Variants in CLDN10 observed in about 807,000 individuals in gnomAD.
CLDN10 encodes claudin-10.
In CLDN10, 15 loss-of-function variants were observed where a neutral mutation model predicts 22.9. The observed-to-expected ratio is 0.65, with a 90% CI of 0.44 to 1.01. The LOEUF (loss-of-function observed/expected upper bound fraction) is 1.01, where lower values mean the gene tolerates loss of function less well. Among genes scored for constraint, CLDN10 ranks in the 50% least tolerant of loss-of-function variants. The pLI, the probability that CLDN10 is intolerant of heterozygous loss-of-function variation, is 0.00. For synonymous variants in CLDN10, 114 were observed against 111.4 expected (o/e 1.02, Z -0.15); for missense variants, 247 against 287.8 (o/e 0.86, Z 1.03).
chr13:95,466,248 A>C (rs2042580587), intron 1 of CLDN10, among the ~76,000 whole-genome samples: 1 of 151,986 alleles, frequency 6.6e-6, no homozygotes, highest in Non-Finnish European at 1.5e-5. Context: ...TGTGGATATT[A>C]GTCTGTAGTT....
chr13:95,499,491 G>A (rs565281355), intron 1 of CLDN10, among the ~76,000 whole-genome samples: 5 of 152,260 alleles, frequency 3.3e-5, no homozygotes, highest in African/African-American at 7.2e-5. Context: ...GCAGTGAGCC[G>A]AGATCACGCC....
chr13:95,451,736 C>T (rs967801480), intron 1 of CLDN10, among the ~76,000 whole-genome samples: 3 of 152,166 alleles, frequency 2.0e-5, no homozygotes, highest in African/African-American at 7.2e-5. Context: ...GGAAGAGCAC[C>T]CTGCATAAAA....
chr13:95,504,682 T>C (rs1421941648), intron 1 of CLDN10, among the ~76,000 whole-genome samples: 1 of 152,132 alleles, frequency 6.6e-6, no homozygotes, highest in Non-Finnish European at 1.5e-5. Context: ...GCCTGGCAAT[T>C]TTAAAATATT....
At chr13:95,454,198 G>A (rs1454048519) in intron 1 of CLDN10, among the ~76,000 whole-genome samples, 2 of 152,154 alleles carry the variant, frequency 1.3e-5, no homozygotes, top group Non-Finnish European at 2.9e-5. Flanking sequence ...CCAGCACTTT[G>A]GGAGGCTGAG....
chr13:95,546,317 ACCT>A (rs917051048), intron 1 of CLDN10, among the ~76,000 whole-genome samples: 3 of 150,822 alleles, frequency 2.0e-5, no homozygotes, highest in African/African-American at 7.3e-5. Context: ...TTGAAACCTC[ACCT>A]CCACCACCTT....
At chr13:95,468,206 G>C (rs2042597778) in intron 1 of CLDN10, among the ~76,000 whole-genome samples, 1 of 147,302 alleles carries the variant, frequency 6.8e-6, no homozygotes, top group African/African-American at 2.5e-5. Flanking sequence ...ATTAGATTCT[G>C]GATTCTTCCT....
chr13:95,499,813 T>C (rs1001881224), intron 1 of CLDN10, among the ~76,000 whole-genome samples: 50 of 152,252 alleles, frequency 3.3e-4, no homozygotes, highest in African/African-American at 1.1e-3. Flanking sequence ...TAGAAAAAAG[T>C]TCCTTTATAC....
chr13:95,491,942 G>A (rs1436465701), intron 1 of CLDN10, among the ~76,000 whole-genome samples: 1 of 152,064 alleles, frequency 6.6e-6, no homozygotes, highest in Non-Finnish European at 1.5e-5. Context: ...TCTTTTCTGG[G>A]TCTAGCCACC....
At chr13:95,571,152 ACAG>A (rs2043853724) in intron 3 of CLDN10, among the ~76,000 whole-genome samples, 1 of 152,052 alleles carries the variant, frequency 6.6e-6, no homozygotes, top group Non-Finnish European at 1.5e-5. Flanking sequence ...AGCATCCACC[ACAG>A]TGACACATGG....
chr13:95,564,119 C>A (rs982840953), intron 3 of CLDN10, among the ~76,000 whole-genome samples: 1 of 152,150 alleles, frequency 6.6e-6, no homozygotes, highest in Non-Finnish European at 1.5e-5. Context: ...GTGGAAGATG[C>A]CACTATAGGA....
At chr13:95,434,710 C>G (rs1213162061) in intron 1 of CLDN10, among the ~76,000 whole-genome samples, 1 of 152,014 alleles carries the variant, frequency 6.6e-6, no homozygotes, top group Non-Finnish European at 1.5e-5. Context: ...CAAATTCAAA[C>G]TGGCTTTTAA....
chr13:95,444,091 A>T (rs534250002), intron 1 of CLDN10, among the ~76,000 whole-genome samples: 1 of 152,310 alleles, frequency 6.6e-6, no homozygotes, highest in South Asian at 2.1e-4. Flanking sequence ...CACAAGGTTC[A>T]TAGCTCCTCT....
Position 95,499,725 on chromosome 13 carries a change from T to C in CLDN10, c.215-60407T>C, listed in dbSNP as rs1307620845. 7.9e-5 allele frequency among the ~76,000 whole-genome samples: 12 copies of C among 151,940 alleles called. No homozygotes were observed. In the East Asian group the frequency reaches 2.3e-3, roughly 29 times the overall value. ...GGAAACTGCCTAAGGGGGTGATAAATGGAATCAGCAGCGGAGCCCCAACAC... is the reference window on the plus strand; with the variant it reads ...GGAAACTGCCTAAGGGGGTGATAAACGGAATCAGCAGCGGAGCCCCAACAC... On this transcript the variant is annotated intron_variant, in intron 1 of 4. Coordinates refer to the CLDN10 transcript ENST00000376873.
intron 1 of CLDN10, among the ~76,000 whole-genome samples, chr13:95,444,996 G>A (rs1347627849): frequency 1.3e-5 from 2 of 152,154 alleles, no homozygotes; most frequent in Non-Finnish European, 2.9e-5. Context: ...GGCTGGTCTC[G>A]AACTCCTGAC....
intron 1 of CLDN10, among the ~76,000 whole-genome samples, chr13:95,447,443 A>G (rs1290455652): frequency 1.3e-5 from 2 of 151,818 alleles, no homozygotes; most frequent in East Asian, 1.9e-4. Context: ...TGGACCGCAG[A>G]CCTCTCACTT....
At chr13:95,517,188 T>C (rs1183423367) in intron 1 of CLDN10, among the ~76,000 whole-genome samples, 2 of 151,500 alleles carry the variant, frequency 1.3e-5, no homozygotes, top group Non-Finnish European at 2.9e-5. Context: ...CATTCTTAAA[T>C]TTTTCTCTTT....
At chr13:95,442,351 A>T (rs571456850) in intron 1 of CLDN10, among the ~76,000 whole-genome samples, 5 of 152,278 alleles carry the variant, frequency 3.3e-5, no homozygotes, top group African/African-American at 1.2e-4. Flanking sequence ...TGCCTCTTAG[A>T]ATGCAAAGCC....
chr13:95,512,132 G>T (rs7988196), intron 1 of CLDN10, among the ~76,000 whole-genome samples: 1,387 of 9,646 alleles, frequency 0.14, 4 homozygotes, highest in East Asian at 0.29. Flanking sequence ...TTTTTTTTTG[G>T]TTTTTGTTTG....
chr13:95,542,407 A>G (rs1472774368), intron 1 of CLDN10, among the ~76,000 whole-genome samples: 2 of 152,238 alleles, frequency 1.3e-5, no homozygotes, highest in East Asian at 3.8e-4. Flanking sequence ...GAATGTATGT[A>G]CTTCGAAATT....
Sources: allele counts gnomAD v4.1 joint callset (sites outside exome capture counted in the v4.1 genomes callset), GRCh38; gene constraint gnomAD v4.1.1; transcripts MANE v1.5; gene names NCBI Gene and HGNC (gene_info 2026-07-23, HGNC 2026-07-21).